Variants in OXR1 observed in about 807,000 individuals in gnomAD.
The protein encoded by OXR1 is oxidation resistance protein 1.
OXR1 carries 41 observed loss-of-function variants against 104.6 expected under a neutral mutation model. The ratio of observed to expected loss-of-function variants is 0.39; its 90% CI spans 0.31 to 0.51. OXR1 has a LOEUF of 0.51. Ranked by LOEUF, OXR1 falls within the 20% of genes least tolerant of loss-of-function variation. The pLI is 0.77. For missense variants in OXR1, 955 were observed against 1,031.9 expected, an observed-to-expected ratio of 0.93 and a Z score of 1.02; for synonymous variants, 348 against 348.4, an observed-to-expected ratio of 1.00 and a Z score of 0.01.
At chr8:106,434,294 T>C (rs536187830) in intron 2 of OXR1, among the ~76,000 whole-genome samples, 140 of 152,312 alleles carry the variant, frequency 9.2e-4, no homozygotes, top group African/African-American at 3.2e-3. Context: ...CACTAAATCA[T>C]AGAGAAACCT....
chr8:106,626,775 A>C (rs1462567282), intron 3 of OXR1, among the ~76,000 whole-genome samples: 2 of 151,216 alleles, frequency 1.3e-5, no homozygotes, highest in African/African-American at 4.8e-5. Flanking sequence ...TGAGGAAAAA[A>C]TTTTGTGGTT....
At chr8:106,388,500 G>A (rs1012245427) in intron 2 of OXR1, among the ~76,000 whole-genome samples, 5 of 151,868 alleles carry the variant, frequency 3.3e-5, no homozygotes, top group African/African-American at 4.8e-5. Flanking sequence ...TCTGCTCACG[G>A]CAACCTCTGC....
intron 2 of OXR1, among the ~76,000 whole-genome samples, chr8:106,461,115 C>T (rs1294646013): frequency 6.6e-6 from 1 of 151,932 alleles, no homozygotes; most frequent in Non-Finnish European, 1.5e-5. Flanking sequence ...CCTGTATGGC[C>T]TCAAAAGCAA....
intron 3 of OXR1, among the ~76,000 whole-genome samples, chr8:106,592,022 C>CT (rs1819135561): frequency 6.6e-6 from 1 of 152,124 alleles, no homozygotes; most frequent in Non-Finnish European, 1.5e-5. Flanking sequence ...TTAACACTGT[C>CT]TGTCACCCAG....
intron 3 of OXR1, among the ~76,000 whole-genome samples, chr8:106,626,234 T>C (rs1320528823): frequency 2.0e-5 from 3 of 151,886 alleles, no homozygotes; most frequent in African/African-American, 7.2e-5. Flanking sequence ...TAAAAAGATA[T>C]TATATAGAAG....
intron 2 of OXR1, among the ~76,000 whole-genome samples, chr8:106,380,565 G>C (rs1328538705): frequency 6.6e-6 from 1 of 152,170 alleles, no homozygotes; most frequent in East Asian, 1.9e-4. Context: ...TAAAGTGGCT[G>C]TCCCATTCTA....
chr8:106,436,834 C>T (rs2130577717), intron 2 of OXR1, among the ~76,000 whole-genome samples: 1 of 152,272 alleles, frequency 6.6e-6, no homozygotes, highest in East Asian at 1.9e-4. Flanking sequence ...CCTACAGTTT[C>T]TGGAATTGAG....
chr8:106,273,395 G>C (rs1386213357), intron 1 of OXR1, among the ~76,000 whole-genome samples: 6 of 152,230 alleles, frequency 3.9e-5, no homozygotes, highest in Non-Finnish European at 7.3e-5. Flanking sequence ...TTAGAGCAGT[G>C]ATTCTCCACT....
chr8:106,678,660 T>C (rs1042182130), intron 3 of OXR1, among the ~76,000 whole-genome samples: 4 of 151,998 alleles, frequency 2.6e-5, no homozygotes, highest in Non-Finnish European at 4.4e-5. Context: ...GCATTCAATC[T>C]GAAAGTAAAT....
intron 1 of OXR1, among the ~76,000 whole-genome samples, chr8:106,318,845 A>G (rs929960509): frequency 6.6e-6 from 1 of 152,202 alleles, no homozygotes; most frequent in African/African-American, 2.4e-5. Context: ...CAGTATGGTA[A>G]AGGAGAGAAA....
chr8:106,591,508 A>T (rs1170608410), intron 3 of OXR1, among the ~76,000 whole-genome samples: 1 of 152,120 alleles, frequency 6.6e-6, no homozygotes, highest in Non-Finnish European at 1.5e-5. Flanking sequence ...AAAAATTATT[A>T]AAAAATAACT....
At chr8:106,740,574 ATT>A in intron 14 of OXR1, 79 bp downstream of exon 14, 1 of 1,166,872 alleles carries the variant, frequency 8.6e-7, no homozygotes, top group Non-Finnish European at 1.2e-6. Context: ...TTTGATAAAC[ATT>A]ACTTTATTAG....
chr8:106,592,988 C>G (rs1819216790), intron 3 of OXR1, among the ~76,000 whole-genome samples: 1 of 152,152 alleles, frequency 6.6e-6, no homozygotes, highest in South Asian at 2.1e-4. Context: ...AGGTGTTTTC[C>G]TCTGTTTAGA....
intron 10 of OXR1, 77 bp from the exon 11 acceptor site, chr8:106,713,746 A>G: frequency 1.3e-6 from 1 of 796,174 alleles, no homozygotes; most frequent in Non-Finnish European, 1.9e-6. Flanking sequence ...AGATTTATCA[A>G]GATATTTTAC....
chr8:106,559,696 G>A (rs139206073), intron 3 of OXR1, among the ~76,000 whole-genome samples: 172 of 152,214 alleles, frequency 1.1e-3, no homozygotes, highest in African/African-American at 3.9e-3. Context: ...GATGGTGTGG[G>A]TCCTTTTTGC....
chr8:106,418,835 G>A (rs1818789060), intron 2 of OXR1, among the ~76,000 whole-genome samples: 2 of 152,066 alleles, frequency 1.3e-5, no homozygotes, highest in South Asian at 2.1e-4. Flanking sequence ...TATAAGAAAA[G>A]TCACCAAAAT....
At chr8:106,737,626 CT>C in intron 12 of OXR1, 26 bp downstream of exon 12, 1 of 984,746 alleles carries the variant, frequency 1.0e-6, no homozygotes, top group Non-Finnish European at 1.4e-6. Flanking sequence ...GTTTAAACCC[CT>C]CCAGAGACTA....
chr8:106,347,016 T>C (rs112895841), intron 1 of OXR1, among the ~76,000 whole-genome samples: 6 of 152,286 alleles, frequency 3.9e-5, no homozygotes, highest in African/African-American at 1.2e-4. Flanking sequence ...GCACTCCAGC[T>C]TAGGCGACAA....
At chr8:106,625,870 G>A (rs56163038) in intron 3 of OXR1, among the ~76,000 whole-genome samples, 2,625 of 151,846 alleles carry the variant, frequency 0.017, 30 homozygotes, top group East Asian at 0.034. Context: ...TATTGTAAAC[G>A]TATATTAGAT....
Sources: allele counts gnomAD v4.1 joint callset (sites outside exome capture counted in the v4.1 genomes callset), GRCh38; gene constraint gnomAD v4.1.1; transcripts MANE v1.5; gene names NCBI Gene and HGNC (gene_info 2026-07-23, HGNC 2026-07-21).